The following PLCXD3 variants were observed in gnomAD, a reference collection of about 807,000 sequenced individuals.
PLCXD3 encodes the protein PI-PLC X domain-containing protein 3.
Under a neutral mutation model 25.5 loss-of-function variants are expected in PLCXD3, and 19 were observed. The ratio of observed to expected loss-of-function variants is 0.75; its 90% confidence interval spans 0.52 to 1.09. The LOEUF (loss-of-function observed/expected upper bound fraction) is 1.09. Among genes scored for constraint, PLCXD3 ranks in the 50% least tolerant of loss-of-function variants. The pLI is 0.00. For missense variants in PLCXD3, 411 were observed against 388.1 expected (o/e 1.06, Z -0.50); for synonymous variants, 174 against 137.6 (o/e 1.26, Z -1.85).
intron 2 of PLCXD3, among the ~76,000 whole-genome samples, chr5:41,345,835 T>C (rs1341188624): frequency 6.6e-6 from 1 of 152,130 alleles, no homozygotes; most frequent in African/African-American, 2.4e-5. Context: ...CAAATGAATA[T>C]TTATTAGAGC....
intron 2 of PLCXD3, among the ~76,000 whole-genome samples, chr5:41,325,424 A>G (rs1376057253): frequency 6.6e-6 from 1 of 152,200 alleles, no homozygotes; most frequent in Non-Finnish European, 1.5e-5. Context: ...ATTATTTAGG[A>G]TAGCATTTCT....
chr5:41,428,602 T>C (rs1030342753), intron 1 of PLCXD3, among the ~76,000 whole-genome samples: 21 of 152,092 alleles, frequency 1.4e-4, no homozygotes, highest in Middle Eastern at 3.4e-3. Flanking sequence ...TGTGAGGAAA[T>C]AAATTTCTGT....
intron 1 of PLCXD3, among the ~76,000 whole-genome samples, chr5:41,396,351 C>A (rs1161682650): frequency 2.6e-5 from 4 of 152,068 alleles, no homozygotes; most frequent in Admixed American, 1.3e-4. Context: ...CCTGCTCCAC[C>A]ATGGTAAGAC....
intron 1 of PLCXD3, among the ~76,000 whole-genome samples, chr5:41,480,429 T>C (rs911925653): frequency 6.6e-6 from 1 of 152,016 alleles, no homozygotes; most frequent in African/African-American, 2.4e-5. Flanking sequence ...CATTTGCTTT[T>C]TTTCTCTTCT....
intron 1 of PLCXD3, among the ~76,000 whole-genome samples, chr5:41,492,580 C>T (rs151090649): frequency 0.11 from 16,955 of 152,114 alleles, 1,340 homozygotes; most frequent in African/African-American, 0.23. Flanking sequence ...ACCAATCAGA[C>T]GTAGATTTGA....
rs1743202737 is a variant in PLCXD3 at position 41,313,554 on chromosome 5, G to T, written c.*63C>A. 9 of 1,587,694 alleles carry T rather than the reference G, an allele frequency of 5.7e-6. No individual in the cohort carries two copies. The highest frequency in any genetic ancestry group is 7.8e-6 in the Non-Finnish European group (9 of 1,157,322). ...GAATAGGAAGATCAGAGTGTTTACA[G>T]ATAGTATGCCCTAATACAATGAGCT... is the stretch of plus-strand genomic sequence containing the variant. On this transcript the variant is annotated 3_prime_UTR_variant, in exon 3 of 3. Coordinates refer to ENST00000377801, the MANE Select transcript of PLCXD3 (RefSeq NM_001005473.3).
intron 1 of PLCXD3, among the ~76,000 whole-genome samples, chr5:41,426,968 A>C (rs79253905): frequency 0.044 from 6,632 of 152,156 alleles, 188 homozygotes; most frequent in Non-Finnish European, 0.061. Flanking sequence ...TCTGATCACT[A>C]ATGATTTTGA....
chr5:41,352,999 G>T (rs1330052278), intron 2 of PLCXD3, among the ~76,000 whole-genome samples: 1 of 152,024 alleles, frequency 6.6e-6, no homozygotes, highest in Non-Finnish European at 1.5e-5. Context: ...TGGCTAAGAA[G>T]GTTTGCTAGA....
intron 1 of PLCXD3, among the ~76,000 whole-genome samples, chr5:41,485,593 A>G (rs1347645845): frequency 6.6e-6 from 1 of 152,102 alleles, no homozygotes; most frequent in Non-Finnish European, 1.5e-5. Flanking sequence ...CCTCTCTAAA[A>G]CACACTGAAG....
At chr5:41,369,328 A>G (rs1354775444) in intron 2 of PLCXD3, among the ~76,000 whole-genome samples, 1 of 152,292 alleles carries the variant, frequency 6.6e-6, no homozygotes, top group Non-Finnish European at 1.5e-5. Flanking sequence ...GTGAAACTAA[A>G]CTACACACTT....
intron 1 of PLCXD3, among the ~76,000 whole-genome samples, chr5:41,393,009 T>C (rs1330147782): frequency 6.6e-6 from 1 of 152,078 alleles, no homozygotes; most frequent in Non-Finnish European, 1.5e-5. Flanking sequence ...TACTTGAAAG[T>C]GTACAGCCAG....
At chr5:41,326,973 A>G (rs1743645258) in intron 2 of PLCXD3, among the ~76,000 whole-genome samples, 1 of 152,194 alleles carries the variant, frequency 6.6e-6, no homozygotes, top group Non-Finnish European at 1.5e-5. Context: ...GATATGGTAC[A>G]ATAGAAGTGG....
At chr5:41,372,145 C>A (rs1472797234) in intron 2 of PLCXD3, among the ~76,000 whole-genome samples, 1 of 152,052 alleles carries the variant, frequency 6.6e-6, no homozygotes, top group Non-Finnish European at 1.5e-5. Context: ...ATATTTTAAG[C>A]TAGTTTCTTT....
intron 2 of PLCXD3, among the ~76,000 whole-genome samples, chr5:41,339,577 A>T (rs989951924): frequency 9.2e-5 from 14 of 152,124 alleles, no homozygotes; most frequent in Non-Finnish European, 1.8e-4. Context: ...ACAAAATGAC[A>T]GTAGTGTTGC....
At chr5:41,403,125 T>C (rs914440296) in intron 1 of PLCXD3, among the ~76,000 whole-genome samples, 7 of 152,006 alleles carry the variant, frequency 4.6e-5, no homozygotes, top group African/African-American at 1.7e-4. Flanking sequence ...TTCTATCTTA[T>C]GCCAACCTTC....
chr5:41,333,660 A>G (rs1237993102), intron 2 of PLCXD3, among the ~76,000 whole-genome samples: 1 of 152,152 alleles, frequency 6.6e-6, no homozygotes, highest in Non-Finnish European at 1.5e-5. Flanking sequence ...TTACACTCAG[A>G]GAAATAATTA....
intron 1 of PLCXD3, among the ~76,000 whole-genome samples, chr5:41,471,117 G>A (rs1748147154): frequency 6.6e-6 from 1 of 152,024 alleles, no homozygotes; most frequent in Non-Finnish European, 1.5e-5. Context: ...AGAACAAGAT[G>A]GAATAATAGA....
intron 2 of PLCXD3, among the ~76,000 whole-genome samples, chr5:41,314,217 C>T (rs373145357): frequency 3.2e-4 from 49 of 152,254 alleles, no homozygotes; most frequent in African/African-American, 1.1e-3. Flanking sequence ...ATAGTAAAAT[C>T]CCCTGCCTTC....
chr5:41,503,564 C>A (rs1276060650), intron 1 of PLCXD3, among the ~76,000 whole-genome samples: 1 of 152,110 alleles, frequency 6.6e-6, no homozygotes, highest in Non-Finnish European at 1.5e-5. Context: ...CTCCTCCTAC[C>A]CCTCTGTTAC....
Sources: gnomAD v4.1 joint callset for allele counts (sites outside exome capture counted in the v4.1 genomes callset) on GRCh38, gnomAD v4.1.1 for gene constraint, MANE v1.5 for transcripts, NCBI Gene and HGNC (gene_info 2026-07-23, HGNC 2026-07-21) for gene names.